Variants in FILIP1L observed in about 807,000 individuals in gnomAD.
FILIP1L encodes filamin A-interacting protein 1-like.
In FILIP1L, 55 loss-of-function variants were observed where a neutral mutation model predicts 96.6. That is an observed-to-expected ratio of 0.57 (90% CI 0.46 to 0.71). The LOEUF (loss-of-function observed/expected upper bound fraction) is 0.71. FILIP1L is among the 30% of genes least tolerant of loss of function. FILIP1L has a pLI of 0.00. For synonymous variants in FILIP1L, 467 were observed against 473.9 expected (o/e 0.99, Z 0.19); for missense variants, 1,304 against 1,321.2 (o/e 0.99, Z 0.20).
intron 1 of FILIP1L, among the ~76,000 whole-genome samples, chr3:99,954,379 G>A (rs980630682): frequency 6.6e-6 from 1 of 152,226 alleles, no homozygotes; most frequent in Non-Finnish European, 1.5e-5. Context: ...CACACTGTGA[G>A]ATAGGTATCA....
intron 1 of FILIP1L, among the ~76,000 whole-genome samples, chr3:100,052,971 G>A (rs1377569994): frequency 1.3e-5 from 2 of 151,982 alleles, no homozygotes; most frequent in East Asian, 3.9e-4. Flanking sequence ...TCATCCCTGG[G>A]ATAAATGCTC....
At chr3:99,972,461 T>C (rs1206308304) in intron 1 of FILIP1L, among the ~76,000 whole-genome samples, 1 of 152,230 alleles carries the variant, frequency 6.6e-6, no homozygotes, top group African/African-American at 2.4e-5. Context: ...TAAGTGCTGG[T>C]AATCCATTTT....
At chr3:99,929,791 C>G (rs1707417249) in intron 3 of FILIP1L, 65 bp downstream of exon 3, 3 of 1,209,444 alleles carry the variant, frequency 2.5e-6, no homozygotes, top group Admixed American at 2.4e-5. Context: ...AGTTACAGAT[C>G]ATGCTCATCT....
At chr3:99,901,851 A>G (rs1706448014) in intron 4 of FILIP1L, among the ~76,000 whole-genome samples, 1 of 152,138 alleles carries the variant, frequency 6.6e-6, no homozygotes, top group Admixed American at 6.5e-5. Flanking sequence ...TAAGATTTAT[A>G]CATTTGATTT....
At chr3:99,841,495 A>G (rs1943130193) in intron 5 of FILIP1L, among the ~76,000 whole-genome samples, 1 of 152,208 alleles carries the variant, frequency 6.6e-6, no homozygotes, top group Admixed American at 6.5e-5. Flanking sequence ...CACCACAGGC[A>G]TGAATATTCA....
chr3:99,923,832 A>G (rs975503916), intron 4 of FILIP1L, among the ~76,000 whole-genome samples: 1 of 152,226 alleles, frequency 6.6e-6, no homozygotes, highest in Admixed American at 6.5e-5. Context: ...ATCATGCCCT[A>G]TGCTGTAGCC....
chr3:100,013,969 C>T (rs1003920583), intron 1 of FILIP1L, among the ~76,000 whole-genome samples: 3 of 152,058 alleles, frequency 2.0e-5, no homozygotes, highest in African/African-American at 4.8e-5. Context: ...TCCTCTGTGC[C>T]GCCCCCTTCC....
chr3:99,948,759 A>AAGGAAGGAAAGAAAAAG (rs1708090187), intron 1 of FILIP1L, among the ~76,000 whole-genome samples: 3 of 150,724 alleles, frequency 2.0e-5, no homozygotes, highest in Admixed American at 2.0e-4. Flanking sequence ...GAGGAAAAGG[A>AAGGAAGGAAAGAAAAAG]AGGAAGGAAA....
chr3:100,039,953 C>G (rs1298776390), intron 1 of FILIP1L: 3 of 152,122 alleles, frequency 2.0e-5, no homozygotes, highest in Non-Finnish European at 4.4e-5. Context: ...TGGGGTTTCA[C>G]TGTGTTAGCC....
chr3:99,869,952 G>T (rs1944707320), intron 4 of FILIP1L, among the ~76,000 whole-genome samples: 2 of 152,236 alleles, frequency 1.3e-5, no homozygotes, highest in South Asian at 4.2e-4. Flanking sequence ...GCTCTCACAG[G>T]CCCAAGTGCT....
intron 4 of FILIP1L, among the ~76,000 whole-genome samples, chr3:99,918,195 C>G (rs1707013944): frequency 6.6e-6 from 1 of 152,068 alleles, no homozygotes; most frequent in Non-Finnish European, 1.5e-5. Flanking sequence ...CCAGGCTGGT[C>G]TCGAACCCTT....
In FILIP1L at chr3:99,968,992, G is replaced by T. The variant is rs1708736414; in HGVS notation, c.-10-37962C>A. Among the ~76,000 whole-genome samples, 5 of 152,008 alleles carry T rather than the reference G, an allele frequency of 3.3e-5. No individual in the cohort carries two copies. In the South Asian group the frequency reaches 1.0e-3, roughly 31 times the overall value. On this transcript the variant is annotated intron_variant, in intron 1 of 5. Coordinates refer to ENST00000477258, the MANE Select transcript of FILIP1L (RefSeq NM_001387850.1). ...AGAAAAAAAAATTCATTTGATAAAA[G>T]ATTTAAATGGGTTTCTGGGCTTAGA... is the stretch of plus-strand genomic sequence containing the variant.
chr3:99,991,820 G>A (rs1709518194), intron 1 of FILIP1L, among the ~76,000 whole-genome samples: 1 of 93,618 alleles, frequency 1.1e-5, no homozygotes, highest in African/African-American at 3.9e-5. Flanking sequence ...ATTCCATGGT[G>A]TGTGTATATA....
At chr3:99,982,311 A>T (rs2107734161) in intron 1 of FILIP1L, among the ~76,000 whole-genome samples, 1 of 151,810 alleles carries the variant, frequency 6.6e-6, no homozygotes, top group South Asian at 2.1e-4. Context: ...ATGAATGAAG[A>T]GCAAACTTTC....
intron 1 of FILIP1L, among the ~76,000 whole-genome samples, chr3:100,068,953 T>C (rs2065714767): frequency 6.6e-6 from 1 of 152,220 alleles, no homozygotes; most frequent in South Asian, 2.1e-4. Context: ...CAGGTGGCAC[T>C]GTGAAATAGA....
Position 99,929,846 on chromosome 3 carries a change from T to G in FILIP1L, c.426+10A>C. On this transcript the variant is annotated intron_variant, in intron 3 of 5. Transcript: ENST00000477258. ...GCCTCCCAGGTACACACCCCTATTG[T>G]GGTACATACCTCATTCATTGGTTTC... 6.2e-7 allele frequency: 1 copy of G among 1,603,436 alleles called. No homozygotes were observed. The highest frequency in any genetic ancestry group is 8.5e-7 in the Non-Finnish European group (1 of 1,174,712).
chr3:99,892,161 T>C (rs921008748), intron 4 of FILIP1L, among the ~76,000 whole-genome samples: 3 of 152,166 alleles, frequency 2.0e-5, no homozygotes, highest in African/African-American at 7.2e-5. Flanking sequence ...AAACTGTTCT[T>C]ATGTGAATGA....
chr3:99,952,428 C>G (rs1035482631), intron 1 of FILIP1L, among the ~76,000 whole-genome samples: 1 of 152,172 alleles, frequency 6.6e-6, no homozygotes, highest in Non-Finnish European at 1.5e-5. Flanking sequence ...CTGGCTGATC[C>G]TACCCCAGCC....
At position 100,042,153 on chromosome 3, in the gene FILIP1L, G is replaced by T. The variant is rs1480436603; in HGVS notation, c.-11+71900C>A. 4.6e-5 allele frequency among the ~76,000 whole-genome samples: 7 copies of T among 152,238 alleles called. 1 individual carries two copies. Among genetic ancestry groups the T allele is most frequent in the Non-Finnish European group, 1.0e-4 (7 of 68,024 alleles). On this transcript the variant is annotated intron_variant, in intron 1 of 5. Transcript: ENST00000477258. ...AATGTAGTCATTATTACATATTAAA[G>T]GATCTACAAAGGGCAAAAATTGTGG...
Sources: allele counts gnomAD v4.1 joint callset (sites outside exome capture counted in the v4.1 genomes callset), GRCh38; gene constraint gnomAD v4.1.1; transcripts MANE v1.5; gene names NCBI Gene and HGNC (gene_info 2026-07-23, HGNC 2026-07-21).